The following TYW1 variants were observed in gnomAD, a reference collection of about 807,000 sequenced individuals.
TYW1 encodes the protein tRNA-yW synthesizing protein 1 homolog, also known as S-adenosyl-L-methionine-dependent tRNA 4-demethylwyosine synthase TYW1.
A neutral mutation model predicts 96.2 loss-of-function variants in TYW1; 46 were observed. The ratio of observed to expected loss-of-function variants is 0.48; its 90% CI spans 0.38 to 0.61. TYW1 has a LOEUF of 0.61. Ranked by LOEUF, TYW1 falls within the 20% of genes least tolerant of loss-of-function variation. The probability of loss-of-function intolerance (pLI) is 0.00; values close to 1 mark genes in which losing one functional copy is unlikely to be tolerated. For synonymous variants in TYW1, 274 were observed against 323.0 expected (o/e 0.85, Z 1.63); for missense variants, 684 against 909.6 (o/e 0.75, Z 3.19).
At chr7:67,067,444 G>A in intron 10 of TYW1, 41 bp downstream of exon 10, 1 of 1,608,844 alleles carries the variant, frequency 6.2e-7, no homozygotes, top group Non-Finnish European at 8.5e-7. Flanking sequence ...AATATGTAAT[G>A]AGCTGTGGTA....
intron 9 of TYW1, among the ~76,000 whole-genome samples, chr7:67,062,898 T>A (rs1375707093): frequency 6.6e-6 from 1 of 152,242 alleles, no homozygotes; most frequent in Non-Finnish European, 1.5e-5. Flanking sequence ...CAGTTTTACT[T>A]AATATCTTCC....
rs1351264854 is a variant in TYW1 at position 67,234,216 on chromosome 7, A to G, written c.1978-4092A>G. 6.2e-5 allele frequency among the ~76,000 whole-genome samples: 8 copies of G among 129,514 alleles called. 2 individuals are homozygous for G. Among genetic ancestry groups the G allele is most frequent in the Non-Finnish European group, 1.2e-4 (7 of 60,538 alleles). The allele number at this position is 129,514 out of a possible 152,430, so 85.0% of individuals were successfully genotyped here. On this transcript the variant is annotated intron_variant, in intron 15 of 15. Transcript: ENST00000359626. ...TTAAAAATTAGTTGGGCATGGTGAC[A>G]TGTACCTGTAATCTGAGCTACGCAG...
intron 13 of TYW1, among the ~76,000 whole-genome samples, chr7:67,149,607 A>T (rs1196754603): frequency 6.6e-6 from 1 of 152,170 alleles, no homozygotes; most frequent in Non-Finnish European, 1.5e-5. Context: ...GTTAAAAATC[A>T]TGTAAATAAA....
intron 12 of TYW1, among the ~76,000 whole-genome samples, chr7:67,111,208 CT>C (rs886800294): frequency 4.8e-4 from 71 of 146,962 alleles, no homozygotes; most frequent in African/African-American, 6.2e-4. Flanking sequence ...TTTTCTTATC[CT>C]TTTTTTTTTT....
intron 10 of TYW1, among the ~76,000 whole-genome samples, chr7:67,075,699 A>G (rs1305904048): frequency 6.6e-6 from 1 of 152,212 alleles, no homozygotes; most frequent in Non-Finnish European, 1.5e-5. Flanking sequence ...AGAAAGTAGA[A>G]TAGTGGTTGC....
intron 6 of TYW1, among the ~76,000 whole-genome samples, chr7:67,021,742 A>G (rs1794285280): frequency 6.6e-6 from 1 of 152,248 alleles, no homozygotes; most frequent in Non-Finnish European, 1.5e-5. Flanking sequence ...CCAAGGTCAC[A>G]GAACCAAGTT....
chr7:67,009,554 T>TTATTTGA, intron 3 of TYW1, 29 bp from the exon 4 acceptor site: 1 of 1,601,786 alleles, frequency 6.2e-7, no homozygotes, highest in South Asian at 1.1e-5. Flanking sequence ...ATTGAAGACT[T>TTATTTGA]TATTTGATGT....
In TYW1 at chr7:67,007,028, C is replaced by T. The variant is rs191526754; in HGVS notation, c.274-2555C>T. 7.1e-5 allele frequency among the ~76,000 whole-genome samples: 9 copies of T among 126,688 alleles called. No homozygotes were observed. The East Asian group carries it at 2.0e-3, about 28-fold the overall frequency. The allele number at this position is 126,688 out of a possible 152,430, so 83.1% of individuals were successfully genotyped here. Reference sequence around the variant, plus strand: ...CAAGAACTCAACACCAAGGGGAGGGCGGCAAGCTGAGGTAGGAAAGTAGAG... The same window carrying T: ...CAAGAACTCAACACCAAGGGGAGGGTGGCAAGCTGAGGTAGGAAAGTAGAG... On this transcript the variant is annotated intron_variant, in intron 3 of 15. Coordinates refer to ENST00000359626, the MANE Select transcript of TYW1 (RefSeq NM_018264.4).
intron 15 of TYW1, among the ~76,000 whole-genome samples, chr7:67,210,764 G>GTCCATCCATCCATCCATCCA (rs1554394279): frequency 6.9e-6 from 1 of 143,988 alleles, no homozygotes; most frequent in African/African-American, 2.6e-5. Context: ...TCGTCTGTCC[G>GTCCATCCATCCATCCATCCA]TCCATCCATC....
intron 5 of TYW1, among the ~76,000 whole-genome samples, chr7:67,016,661 A>G (rs1242495861): frequency 3.9e-4 from 60 of 152,172 alleles, no homozygotes; most frequent in Admixed American, 3.6e-3. Context: ...TTTTTGAGAG[A>G]GGGTCTCACC....
intron 7 of TYW1, among the ~76,000 whole-genome samples, chr7:67,041,763 T>A (rs1292415395): frequency 2.6e-5 from 4 of 152,098 alleles, no homozygotes; most frequent in Admixed American, 1.3e-4. Flanking sequence ...GTAAGACTGG[T>A]TTTTGAGTAA....
intron 10 of TYW1, among the ~76,000 whole-genome samples, chr7:67,072,572 C>A (rs1022452012): frequency 6.6e-6 from 1 of 151,946 alleles, no homozygotes; most frequent in African/African-American, 2.4e-5. Flanking sequence ...TTAAAAAATT[C>A]TTATTATAGA....
At chr7:67,222,562 A>C (rs56397344) in intron 15 of TYW1, among the ~76,000 whole-genome samples, 40,759 of 151,964 alleles carry the variant, frequency 0.27, 5,831 homozygotes, top group African/African-American at 0.36. Flanking sequence ...TATTAAGTAT[A>C]CCCTGTGTGT....
rs768433091 is a variant in TYW1, at chr7:67,238,553, A to T, written c.*24A>T. On this transcript the variant is annotated 3_prime_UTR_variant, in exon 16 of 16. Transcript: ENST00000359626. ...GAGATTATCTGATTTCAAGGTACTG[A>T]AGGACAAAAACTTGGATGGCCTCAA... The T allele has an allele frequency of 1.2e-6, 2 of 1,602,616 alleles. No individual in the cohort carries two copies. The highest frequency in any genetic ancestry group is 1.1e-5 in the South Asian group (1 of 90,020).
rs750432303 is a variant in TYW1, at chr7:67,092,582, G to T, written c.1385-5959G>T. On this transcript the variant is annotated intron_variant, in intron 11 of 15. Coordinates refer to ENST00000359626, the MANE Select transcript of TYW1 (RefSeq NM_018264.4). Reference sequence around the variant, plus strand: ...CAGCAAGACTTATCCTGACCAGCCTGATTGACAGGTCAGCCTGCCTCTTTT... The same window carrying T: ...CAGCAAGACTTATCCTGACCAGCCTTATTGACAGGTCAGCCTGCCTCTTTT... Among the ~76,000 whole-genome samples, 184 of 151,132 alleles carry T rather than the reference G, an allele frequency of 1.2e-3. 1 individual carries two copies. Among genetic ancestry groups the T allele is most frequent in the Non-Finnish European group, 1.8e-3 (120 of 67,920 alleles).
intron 12 of TYW1, among the ~76,000 whole-genome samples, chr7:67,107,688 A>G (rs1489281699): frequency 6.6e-6 from 1 of 152,008 alleles, no homozygotes; most frequent in East Asian, 1.9e-4. Flanking sequence ...GTTGGTCAAA[A>G]TATACTTTAA....
chr7:67,220,978 T>G (rs559886283), intron 15 of TYW1, among the ~76,000 whole-genome samples: 26 of 152,194 alleles, frequency 1.7e-4, no homozygotes, highest in Non-Finnish European at 3.2e-4. Flanking sequence ...CCACCTGCCT[T>G]GGCCTCCCAA....
intron 13 of TYW1, among the ~76,000 whole-genome samples, chr7:67,144,950 T>C (rs1367120356): frequency 6.6e-6 from 1 of 151,358 alleles, no homozygotes; most frequent in Non-Finnish European, 1.5e-5. Flanking sequence ...CAGTCGATGG[T>C]GAGAGTCAGA....
At chr7:67,106,128 C>T (rs556538608) in intron 12 of TYW1, among the ~76,000 whole-genome samples, 1 of 152,090 alleles carries the variant, frequency 6.6e-6, no homozygotes, top group Non-Finnish European at 1.5e-5. Flanking sequence ...AACTCCTGAC[C>T]TCAGGTGATC....
Sources: gnomAD v4.1 joint callset for allele counts (sites outside exome capture counted in the v4.1 genomes callset) on GRCh38, gnomAD v4.1.1 for gene constraint, MANE v1.5 for transcripts, NCBI Gene and HGNC (gene_info 2026-07-23, HGNC 2026-07-21) for gene names.